The following GRIK3 variants were observed in gnomAD, a reference collection of about 807,000 sequenced individuals.
The protein encoded by GRIK3 is glutamate ionotropic receptor kainate type subunit 3.
A neutral mutation model predicts 102.5 loss-of-function variants in GRIK3; 29 were observed. The ratio of observed to expected loss-of-function variants is 0.28; its 90% confidence interval spans 0.21 to 0.39. The LOEUF (loss-of-function observed/expected upper bound fraction) is 0.39. Among genes scored for constraint, GRIK3 ranks in the 10% least tolerant of loss-of-function variants. GRIK3 has a pLI of 1.00. For missense variants in GRIK3, 908 were observed against 1,252.4 expected (o/e 0.73, Z 4.15); for synonymous variants, 511 against 504.9 (o/e 1.01, Z -0.16).
At chr1:37,004,848 G>T (rs889529805) in intron 1 of GRIK3, among the ~76,000 whole-genome samples, 12 of 152,294 alleles carry the variant, frequency 7.9e-5, no homozygotes, top group East Asian at 1.9e-4. Context: ...TCTTGAGACC[G>T]CTGTGTTCCC....
chr1:36,950,380 G>A (rs923204655), intron 1 of GRIK3, among the ~76,000 whole-genome samples: 52 of 152,186 alleles, frequency 3.4e-4, no homozygotes, highest in African/African-American at 1.2e-3. Context: ...TTTGGTAGAG[G>A]TCTTTCCAGG....
chr1:36,963,375 G>A (rs982160113), intron 1 of GRIK3, among the ~76,000 whole-genome samples: 18 of 152,180 alleles, frequency 1.2e-4, no homozygotes, highest in African/African-American at 4.1e-4. Flanking sequence ...GAACGTGAGA[G>A]TCACACCAAT....
intron 1 of GRIK3, among the ~76,000 whole-genome samples, chr1:36,928,778 G>C (rs530452105): frequency 6.6e-5 from 10 of 152,256 alleles, no homozygotes; most frequent in African/African-American, 2.4e-4. Context: ...GGTCATATTA[G>C]GCCCCTCTTT....
At chr1:36,970,255 C>T (rs966962016) in intron 1 of GRIK3, among the ~76,000 whole-genome samples, 2 of 152,194 alleles carry the variant, frequency 1.3e-5, no homozygotes, top group Non-Finnish European at 2.9e-5. Context: ...TCCTGAAACT[C>T]CCTTAATGTG....
intron 1 of GRIK3, among the ~76,000 whole-genome samples, chr1:36,932,752 A>G (rs1351028317): frequency 6.6e-6 from 1 of 152,228 alleles, no homozygotes; most frequent in Non-Finnish European, 1.5e-5. Flanking sequence ...TGAAGAGGAT[A>G]GAGAGGCAGT....
chr1:36,906,376 T>G (rs1641284510), intron 1 of GRIK3, among the ~76,000 whole-genome samples: 1 of 152,188 alleles, frequency 6.6e-6, no homozygotes, highest in Non-Finnish European at 1.5e-5. Context: ...GGTACACATC[T>G]CAGAGGGCTG....
At position 36,805,198 on chromosome 1, in the gene GRIK3, T is replaced by C; in HGVS notation, c.2354A>G (p.Gln785Arg). ...ATGCAGCTTGTCCTCCTCCTGAAGC[T>C]GCAGGATGGCGATGGTGATCTTGTC... ...YRDKITIAIL[Q>R]LQEEDKLHIM... is the part of the protein sequence containing the mutation. Residue 785 changes from glutamine to arginine, a missense_variant, in exon 15 of 16, where the codon CAG (glutamine) becomes CGG (arginine). By Grantham distance (43) the Gln-to-Arg change is conservative. This residue lies in a region of GRIK3 where 297 missense variants were observed against 362.7 expected (regional missense o/e 0.82). Coordinates refer to ENST00000373091, the MANE Select transcript of GRIK3 (RefSeq NM_000831.4). 2 of 1,613,918 alleles carry C rather than the reference T, an allele frequency of 1.2e-6. No individual in the cohort carries two copies.
chr1:36,944,115 A>G (rs1641756976), intron 1 of GRIK3, among the ~76,000 whole-genome samples: 1 of 152,242 alleles, frequency 6.6e-6, no homozygotes, highest in African/African-American at 2.4e-5. Flanking sequence ...GGATACATAC[A>G]GCTCAAACTG....
At chr1:36,838,432 G>A (rs1640407191) in intron 10 of GRIK3, among the ~76,000 whole-genome samples, 1 of 152,180 alleles carries the variant, frequency 6.6e-6, no homozygotes, top group African/African-American at 2.4e-5. Context: ...AAATTTAGAT[G>A]AGAGATGGGG....
chr1:36,963,473 C>T (rs555442650), intron 1 of GRIK3, among the ~76,000 whole-genome samples: 1 of 152,136 alleles, frequency 6.6e-6, no homozygotes, highest in Non-Finnish European at 1.5e-5. Context: ...CTGTGTGGCA[C>T]GCACTTGCTG....
intron 13 of GRIK3, among the ~76,000 whole-genome samples, chr1:36,810,479 C>T (rs986157550): frequency 1.3e-5 from 2 of 151,788 alleles, no homozygotes; most frequent in Non-Finnish European, 2.9e-5. Context: ...TCACGACTTT[C>T]AATTCCAGCC....
chr1:36,938,099 A>G (rs967159496), intron 1 of GRIK3, among the ~76,000 whole-genome samples: 2 of 152,228 alleles, frequency 1.3e-5, no homozygotes, highest in East Asian at 3.8e-4. Flanking sequence ...AGAGAGAAAG[A>G]CACATGCAAT....
chr1:37,006,231 G>A lies in GRIK3; in HGVS notation c.115+27763C>T, dbSNP rs188182954. Reference sequence around the variant, plus strand: ...CATGTATGAATCCTAGACCTTGGAGGGCAGACTCCAGCGGTGTTGACTGGG... The same window carrying A: ...CATGTATGAATCCTAGACCTTGGAGAGCAGACTCCAGCGGTGTTGACTGGG... On this transcript the variant is annotated intron_variant, in intron 1 of 15. Coordinates refer to ENST00000373091, the MANE Select transcript of GRIK3 (RefSeq NM_000831.4). Among the ~76,000 whole-genome samples, 28 of 152,296 alleles carry A rather than the reference G, an allele frequency of 1.8e-4. 1 individual carries two copies. The East Asian group carries it at 3.5e-3, about 19-fold the overall frequency.
chr1:36,943,539 G>A (rs879546591), intron 1 of GRIK3, among the ~76,000 whole-genome samples: 2 of 152,186 alleles, frequency 1.3e-5, no homozygotes, highest in Non-Finnish European at 2.9e-5. Context: ...TGAGAGCAAT[G>A]TCTCCTTAAA....
In GRIK3 at chr1:36,798,647, T is replaced by C. The variant is rs1200378234; in HGVS notation, c.*3204A>G. 1.3e-5 allele frequency: 2 copies of C among 152,276 alleles called. No homozygotes were observed. Among genetic ancestry groups the C allele is most frequent in the Non-Finnish European group, 2.9e-5 (2 of 68,050 alleles). 9.4% of individuals were successfully genotyped at this position (152,276 alleles called of 1,614,324 possible). The stretch of plus-strand genomic sequence containing the variant: ...AGTGCCCCGGGAGAGACAGAGCTCA[T>C]GCTTGGGCAGCTGTGGTCCCCACTG... On this transcript the variant is annotated 3_prime_UTR_variant, in exon 16 of 16. Coordinates refer to ENST00000373091, the MANE Select transcript of GRIK3 (RefSeq NM_000831.4).
chr1:36,996,655 C>T (rs1479293155), intron 1 of GRIK3, among the ~76,000 whole-genome samples: 1 of 152,128 alleles, frequency 6.6e-6, no homozygotes, highest in Non-Finnish European at 1.5e-5. Flanking sequence ...TGTCTGTGGC[C>T]TCTACCTGTC....
At chr1:36,874,797 G>T (rs986325356) in intron 3 of GRIK3, among the ~76,000 whole-genome samples, 13 of 152,208 alleles carry the variant, frequency 8.5e-5, no homozygotes, top group African/African-American at 3.1e-4. Flanking sequence ...GGGCCTTCTT[G>T]TCAGCCAAGC....
chr1:36,958,918 ATGAGCCTGTGTGCCCTG>A lies in GRIK3; in HGVS notation c.116-67839_116-67823del, dbSNP rs1303071349. 5.5e-4 allele frequency among the ~76,000 whole-genome samples: 38 copies of A among 69,708 alleles called. 2 individuals are homozygous for A. The highest frequency in any genetic ancestry group is 1.8e-3 in the African/African-American group (34 of 19,084). The allele number at this position is 69,708 out of a possible 152,430, so 45.7% of individuals were successfully genotyped here. On this transcript the variant is annotated intron_variant, in intron 1 of 15. Coordinates refer to ENST00000373091, the MANE Select transcript of GRIK3 (RefSeq NM_000831.4). ...TCTGTGCCTTGTGACTCTGTGCCCC[ATGAGCCTGTGTGCCCTG>A]TGAGCCTGTGTGCCCTGTGAGCCTG... is the stretch of plus-strand genomic sequence containing the variant.
intron 1 of GRIK3, among the ~76,000 whole-genome samples, chr1:37,004,356 A>T (rs1206620179): frequency 1.3e-5 from 2 of 152,234 alleles, no homozygotes; most frequent in African/African-American, 4.8e-5. Flanking sequence ...AAGGATAAAG[A>T]ATCACACAAA....
Sources: gnomAD v4.1 joint callset for allele counts (sites outside exome capture counted in the v4.1 genomes callset) on GRCh38, gnomAD v4.1.1 for gene constraint, gnomAD v4.1.1 regional missense constraint, MANE v1.5 for transcripts, NCBI Gene and HGNC (gene_info 2026-07-23, HGNC 2026-07-21) for gene names.